DHRSX: variants seen among roughly 807,000 people sequenced by gnomAD.
DHRSX encodes dehydrogenase/reductase X-linked.
In DHRSX, 31 loss-of-function variants were observed where a neutral mutation model predicts 34.0. The ratio of observed to expected loss-of-function variants is 0.91; its 90% CI spans 0.69 to 1.23. The LOEUF (loss-of-function observed/expected upper bound fraction) is 1.23. Ranked by LOEUF, DHRSX falls within the 50% of genes most tolerant of loss-of-function variation. The probability of loss-of-function intolerance (pLI) is 0.00; values close to 1 mark genes in which losing one functional copy is unlikely to be tolerated. For missense variants in DHRSX, 414 were observed against 428.1 expected, an observed-to-expected ratio of 0.97 and a Z score of 0.29; for synonymous variants, 201 against 183.8, an observed-to-expected ratio of 1.09 and a Z score of -0.76.
At chrX:2,360,453 C>CAG (rs2042917538) in intron 3 of DHRSX, among the ~76,000 whole-genome samples, 1 of 151,858 alleles carries the variant, frequency 6.6e-6, no homozygotes, top group Non-Finnish European at 1.5e-5. Context: ...TGTGGTGGTG[C>CAG]GTGCCTGTAA....
chrX:2,500,516 T>G, intron 1 of DHRSX: 2 of 157,016 alleles, frequency 1.3e-5, no homozygotes. Flanking sequence ...GGCTGCTTGG[T>G]TGGAGCCCGA....
intron 5 of DHRSX, among the ~76,000 whole-genome samples, chrX:2,246,706 GAGAA>G (rs997986324): frequency 0.023 from 2,525 of 107,474 alleles, 57 homozygotes; most frequent in African/African-American, 0.043. Context: ...AAGAAAGAAA[GAGAA>G]AGAAAGAAAG....
At chrX:2,500,958 GCCGCCCGCGGGACTCTGCGC>G (rs1180735612) in exon 1 of DHRSX, 1 of 1,007,566 alleles carries the variant, frequency 9.9e-7, no homozygotes, top group Non-Finnish European at 1.2e-6. Flanking sequence ...CCGCTTCCGC[GCCGCCCGCGGGACTCTGCGC>G]CCGCCCGCCC....
chrX:2,497,539 T>C (rs1321741859), intron 1 of DHRSX, among the ~76,000 whole-genome samples: 2 of 152,258 alleles, frequency 1.3e-5, no homozygotes, highest in African/African-American at 4.8e-5. Flanking sequence ...AGGACTTCTA[T>C]AAATAGCTTT....
At chrX:2,245,593 A>T (rs1460723877) in intron 5 of DHRSX, among the ~76,000 whole-genome samples, 3 of 149,490 alleles carry the variant, frequency 2.0e-5, no homozygotes, top group African/African-American at 7.4e-5. Context: ...TACAGGCGTG[A>T]GCCACCGCAC....
intron 1 of DHRSX, among the ~76,000 whole-genome samples, chrX:2,448,512 TAA>T (rs2044170409): frequency 6.8e-6 from 1 of 147,252 alleles, no homozygotes; most frequent in African/African-American, 2.6e-5. Flanking sequence ...AGGTTAGAGT[TAA>T]GGTTATGTGA....
chrX:2,485,985 GGGAA>G (rs2044916971), intron 1 of DHRSX, among the ~76,000 whole-genome samples: 2 of 151,686 alleles, frequency 1.3e-5, no homozygotes, highest in Non-Finnish European at 2.9e-5. Context: ...GGAAGGAGGA[GGGAA>G]GGAAGAGACC....
At chrX:2,294,162 A>G (rs758099551) in intron 3 of DHRSX, among the ~76,000 whole-genome samples, 1 of 152,242 alleles carries the variant, frequency 6.6e-6, no homozygotes, top group East Asian at 1.9e-4. Flanking sequence ...AGATAAAGAC[A>G]AAGAGACACA....
chrX:2,456,165 G>A (rs751102714), intron 1 of DHRSX, among the ~76,000 whole-genome samples: 80 of 152,232 alleles, frequency 5.3e-4, no homozygotes, highest in African/African-American at 1.8e-3. Context: ...CAAGAGACAC[G>A]ACTGTAACAG....
intron 4 of DHRSX, among the ~76,000 whole-genome samples, chrX:2,275,920 T>C (rs1433742749): frequency 1.3e-5 from 2 of 152,150 alleles, no homozygotes; most frequent in African/African-American, 4.8e-5. Flanking sequence ...CTCGGCCCAC[T>C]GCAGCCTCTG....
intron 3 of DHRSX, among the ~76,000 whole-genome samples, chrX:2,318,505 C>T (rs371235520): frequency 2.6e-4 from 40 of 151,840 alleles, no homozygotes; most frequent in East Asian, 2.1e-3. Flanking sequence ...AAGATGGCGA[C>T]GAGACTGACC....
At chrX:2,375,599 A>G (rs1469755683) in intron 3 of DHRSX, among the ~76,000 whole-genome samples, 1 of 133,540 alleles carries the variant, frequency 7.5e-6, no homozygotes, top group Non-Finnish European at 1.8e-5. Context: ...GCTCGATGGG[A>G]TGGTTGGTTG....
intron 5 of DHRSX, among the ~76,000 whole-genome samples, chrX:2,255,366 CCTT>C (rs1169468346): frequency 1.3e-5 from 2 of 152,078 alleles, no homozygotes; most frequent in African/African-American, 4.8e-5. Context: ...ACATGTGAAA[CCTT>C]GAGTGAAATC....
chrX:2,408,758 G>A lies in DHRSX; in HGVS notation c.273C>T (p.Thr91=), dbSNP rs1273298129. Reference sequence around the variant, plus strand: ...ATCTCTCGGTACCTTTGTCGTTCAAGGTTTCTTCTTTTATTTTGCTTACAA... The same window carrying A: ...ATCTCTCGGTACCTTTGTCGTTCAAAGTTTCTTCTTTTATTTTGCTTACAA... ...KQVVSKIKEE[T]LNDKVEFLYC... The change falls in exon 3 of 7, where the codon ACC becomes ACT. Residue 91 remains threonine (T), a synonymous_variant. Transcript: ENST00000334651. The A allele has an allele frequency of 1.2e-6, 2 of 1,612,076 alleles. No individual in the cohort carries two copies. The highest frequency in any genetic ancestry group is 2.2e-5 in the East Asian group (1 of 44,836).
intron 1 of DHRSX, among the ~76,000 whole-genome samples, chrX:2,441,827 C>T (rs191495778): frequency 0.032 from 4,843 of 152,238 alleles, 140 homozygotes; most frequent in Middle Eastern, 0.088. Context: ...AATCTCAGCA[C>T]TTTGGGAGGC....
In DHRSX at chrX:2,348,532, G is replaced by A. The variant is rs183169550; in HGVS notation, c.287-56929C>T. 2.6e-3 allele frequency among the ~76,000 whole-genome samples: 398 copies of A among 152,156 alleles called. 1 individual carries two copies. The highest frequency in any genetic ancestry group is 8.6e-3 in the African/African-American group (359 of 41,508). ...CTCAAAAGGATGGGGGCAGGGGAAA[G>A]ACCTCCCAGCAATAAGAAAGAGGTC... On this transcript the variant is annotated intron_variant, in intron 3 of 6. Transcript: ENST00000334651.
At chrX:2,476,970 C>G (rs923952935) in intron 1 of DHRSX, among the ~76,000 whole-genome samples, 9 of 152,162 alleles carry the variant, frequency 5.9e-5, no homozygotes, top group African/African-American at 1.9e-4. Context: ...CCACTGCACT[C>G]CAGCCTTGGC....
chrX:2,383,262 GCAT>G (rs1346947920), intron 3 of DHRSX, among the ~76,000 whole-genome samples: 11 of 147,712 alleles, frequency 7.4e-5, no homozygotes, highest in Non-Finnish European at 1.5e-4. Context: ...ATCAGCATCA[GCAT>G]CATCAACACC....
intron 3 of DHRSX, among the ~76,000 whole-genome samples, chrX:2,297,478 C>T (rs779459972): frequency 6.6e-6 from 1 of 152,194 alleles, no homozygotes; most frequent in East Asian, 1.9e-4. Flanking sequence ...TCCTCCACTC[C>T]GTCCCTAAAA....
Sources: gnomAD v4.1 joint callset for allele counts (sites outside exome capture counted in the v4.1 genomes callset) on GRCh38, gnomAD v4.1.1 for gene constraint, MANE v1.5 for transcripts, NCBI Gene and HGNC (gene_info 2026-07-23, HGNC 2026-07-21) for gene names.